SLC5A9: variants seen among roughly 807,000 people sequenced by gnomAD.
SLC5A9 encodes solute carrier family 5 member 9.
A neutral mutation model predicts 70.9 loss-of-function variants in SLC5A9; 59 were observed. The ratio of observed to expected loss-of-function variants is 0.83; its 90% CI spans 0.68 to 1.03. The LOEUF (loss-of-function observed/expected upper bound fraction) is 1.03. Ranked by LOEUF, SLC5A9 falls within the 50% of genes least tolerant of loss-of-function variation. SLC5A9 has a pLI of 0.00. For missense variants in SLC5A9, 832 were observed against 881.1 expected (o/e 0.94, Z 0.71); for synonymous variants, 340 against 346.5 (o/e 0.98, Z 0.21).
chr1:48,237,901 C>T, intron 11 of SLC5A9, 54 bp downstream of exon 11: 1 of 1,571,468 alleles, frequency 6.4e-7, no homozygotes, highest in Non-Finnish European at 8.7e-7. Flanking sequence ...GAGACCTGGT[C>T]TGTCAATCAC....
At chr1:48,246,670 A>G (rs1277065913) in intron 13 of SLC5A9, among the ~76,000 whole-genome samples, 1 of 152,162 alleles carries the variant, frequency 6.6e-6, no homozygotes, top group Non-Finnish European at 1.5e-5. Flanking sequence ...CATTTAGCAT[A>G]TCATATACAC....
At chr1:48,223,048 C>T (rs887926983) in intron 1 of SLC5A9, 150 bp downstream of exon 1, 10 of 812,726 alleles carry the variant, frequency 1.2e-5, no homozygotes, top group South Asian at 1.8e-5. Context: ...GAATCAGGCT[C>T]CTGATCTCCT....
Position 48,231,986 on chromosome 1 carries a change from G to T in SLC5A9, c.732G>T (p.Arg244=). The T allele has an allele frequency of 6.2e-7, 1 of 1,614,144 alleles. No homozygotes were observed. The highest frequency in any genetic ancestry group is 2.2e-5 in the East Asian group (1 of 44,872). Residue 244 remains arginine (R), a synonymous_variant, in exon 7 of 14, where the codon CGG becomes CGT. Transcript: ENST00000438567. ...GCTGGTACCCAGGCCTGGAGCAGCG[G>T]TACAGGCAGGCCATCCCTAATGTCA... ...DVGWYPGLEQ[R]YRQAIPNVTV...
intron 12 of SLC5A9, chr1:48,241,917 T>G: frequency 2.2e-6 from 1 of 456,256 alleles, no homozygotes; most frequent in Non-Finnish European, 4.4e-6. Flanking sequence ...GGTGTCCTGA[T>G]TTCACCTCCT....
At chr1:48,238,953 A>G (rs1644361170) in intron 11 of SLC5A9, among the ~76,000 whole-genome samples, 1 of 152,246 alleles carries the variant, frequency 6.6e-6, no homozygotes, top group South Asian at 2.1e-4. Context: ...ACAAAAGTTT[A>G]TTCCATTTTA....
At chr1:48,229,915 C>T (rs934146684) in intron 4 of SLC5A9, among the ~76,000 whole-genome samples, 27 of 152,198 alleles carry the variant, frequency 1.8e-4, no homozygotes, top group African/African-American at 5.1e-4. Context: ...CAGGCTCCTT[C>T]CACTCTGTTA....
intron 5 of SLC5A9, 134 bp from the exon 6 acceptor site, chr1:48,231,411 C>T: frequency 9.4e-7 from 1 of 1,068,982 alleles, no homozygotes; most frequent in Admixed American, 2.5e-5. Context: ...CGGAGAAAGG[C>T]AGTGGCCAGA....
In SLC5A9 at chr1:48,227,482, C is replaced by T. The variant is rs569837010; in HGVS notation, c.235-1368C>T. Among the ~76,000 whole-genome samples the T allele has an allele frequency of 2.9e-4, 26 of 91,070 alleles. No individual in the cohort carries two copies. The South Asian group carries it at 5.9e-3, about 21-fold the overall frequency. The allele number at this position is 91,070 out of a possible 152,430, so 59.7% of individuals were successfully genotyped here. A position where few individuals can be genotyped will look rare whatever the true frequency, so the allele number is the denominator to read the frequency against. On this transcript the variant is annotated intron_variant, in intron 2 of 13. Coordinates refer to ENST00000438567, the MANE Select transcript of SLC5A9 (RefSeq NM_001011547.3). Reference sequence around the variant, plus strand: ...AGTGTGTGTACTGTGCCTGTGTGGGCGTGAGTGCATGTGTGTGTCAGAGTG... The same window carrying T: ...AGTGTGTGTACTGTGCCTGTGTGGGTGTGAGTGCATGTGTGTGTCAGAGTG...
chr1:48,232,539 G>A, intron 8 of SLC5A9, 37 bp downstream of exon 8: 1 of 1,611,252 alleles, frequency 6.2e-7, no homozygotes, highest in Non-Finnish European at 8.5e-7. Context: ...ATTGGGATCT[G>A]AGGCTTTCAA....
At chr1:48,230,378 G>C (rs1364454434) in intron 4 of SLC5A9, among the ~76,000 whole-genome samples, 8 of 152,312 alleles carry the variant, frequency 5.3e-5, no homozygotes, top group Admixed American at 5.2e-4. Flanking sequence ...ATTTATCTCA[G>C]TTTGGAGGCT....
chr1:48,222,921 G>T (rs747174390), intron 1 of SLC5A9, 23 bp downstream of exon 1: 29 of 1,612,668 alleles, frequency 1.8e-5, no homozygotes, highest in Middle Eastern at 1.6e-4. Context: ...TGAGGCTGGG[G>T]CTAGCAGGGG....
At position 48,228,843 on chromosome 1, in the gene SLC5A9, C is replaced by T. The variant is rs746513707; in HGVS notation, c.235-7C>T. The T allele has an allele frequency of 1.9e-6, 3 of 1,613,660 alleles. No individual in the cohort carries two copies. Among genetic ancestry groups the T allele is most frequent in the Non-Finnish European group, 2.5e-6 (3 of 1,179,874 alleles). On this transcript the variant is annotated splice_region_variant and splice_polypyrimidine_tract_variant and intron_variant, in intron 2 of 13. Coordinates refer to ENST00000438567, the MANE Select transcript of SLC5A9 (RefSeq NM_001011547.3). ...CTCCTGACCCTTGACCCAACTGTGCCTTGCAGATTGGAGCATCTCTGATGT... is the reference window on the plus strand; with the variant it reads ...CTCCTGACCCTTGACCCAACTGTGCTTTGCAGATTGGAGCATCTCTGATGT...
chr1:48,227,732 C>T (rs575783500), intron 2 of SLC5A9, among the ~76,000 whole-genome samples: 29 of 152,286 alleles, frequency 1.9e-4, no homozygotes, highest in Admixed American at 9.8e-4. Flanking sequence ...CAGGCCTGTT[C>T]CTCATTCTGT....
Position 48,229,296 on chromosome 1 carries a change from C to A in SLC5A9, c.341C>A (p.Ala114Glu), listed in dbSNP as rs763214405. 6.2e-7 allele frequency: 1 copy of A among 1,614,184 alleles called. No individual in the cohort carries two copies. Among genetic ancestry groups the A allele is most frequent in the Non-Finnish European group, 8.5e-7 (1 of 1,180,036 alleles). ...TTCTTCTTCTCCCCACTCTCCCAGG[C>A]AACCTGGCTGCTCCTGGCCCTTGGC... ...GLAVGGFEWNATWLLLALGWV... is the reference protein window; with the variant it reads ...GLAVGGFEWNETWLLLALGWV... Residue 114 changes from alanine (A) to glutamate (E), a missense_variant and splice_region_variant, in exon 4 of 14, where the codon GCA becomes GAA. Physicochemically the swap from Ala to Glu is moderately radical, Grantham distance 107 (BLOSUM62 -1). Coordinates refer to ENST00000438567, the MANE Select transcript of SLC5A9 (RefSeq NM_001011547.3).
In SLC5A9 at chr1:48,222,861, T is replaced by A; in HGVS notation, c.125T>A (p.Val42Asp). 1 of 1,614,102 alleles carries A rather than the reference T, an allele frequency of 6.2e-7. No individual in the cohort carries two copies. The highest frequency in any genetic ancestry group is 8.5e-7 in the Non-Finnish European group (1 of 1,180,000). ...CACGCCTACGACATCAGCGTGGTGG[T>A]CATCTACTTTGTCTTCGTCATTGCT... Reference protein sequence around the residue: ...GLHAYDISVVVIYFVFVIAVG... With the variant: ...GLHAYDISVVDIYFVFVIAVG... Residue 42 changes from valine to aspartate, a missense_variant, in exon 1 of 14, where the codon GTC (valine) becomes GAC (aspartate). Val to Asp is a radical substitution (Grantham distance 152). Coordinates refer to ENST00000438567, the MANE Select transcript of SLC5A9 (RefSeq NM_001011547.3).
At chr1:48,230,007 C>T (rs1234880061) in intron 4 of SLC5A9, among the ~76,000 whole-genome samples, 5 of 152,212 alleles carry the variant, frequency 3.3e-5, no homozygotes, top group South Asian at 4.1e-4. Flanking sequence ...TGAATCACTC[C>T]GTTGCCAGGT....
intron 13 of SLC5A9, among the ~76,000 whole-genome samples, chr1:48,244,890 A>ATATATATATATATG (rs1644441858): frequency 9.8e-6 from 1 of 102,004 alleles, no homozygotes; most frequent in Non-Finnish European, 2.0e-5. Context: ...ATATATATAT[A>ATATATATATATATG]TATATATATA....
At chr1:48,230,574 G>T in intron 4 of SLC5A9, 26 bp from the exon 5 acceptor site, 1 of 1,588,384 alleles carries the variant, frequency 6.3e-7, no homozygotes. Context: ...GGGTGGTCTG[G>T]CCTCTTGGGT....
intron 13 of SLC5A9, 34 bp downstream of exon 13, chr1:48,242,650 A>AGAG (rs780195233): frequency 5.1e-6 from 8 of 1,577,584 alleles, no homozygotes; most frequent in Non-Finnish European, 6.9e-6. Context: ...TACTCATCAC[A>AGAG]GAGGAACAGG....
Sources: gnomAD v4.1 joint callset for allele counts (sites outside exome capture counted in the v4.1 genomes callset) on GRCh38, gnomAD v4.1.1 for gene constraint, MANE v1.5 for transcripts, NCBI Gene and HGNC (gene_info 2026-07-23, HGNC 2026-07-21) for gene names.